NUP214: variants seen among roughly 807,000 people sequenced by gnomAD.
NUP214 encodes the protein nucleoporin 214, also known as nuclear pore complex protein Nup214.
Under a neutral mutation model 196.2 loss-of-function variants are expected in NUP214, and 79 were observed. The ratio of observed to expected loss-of-function variants is 0.40; its 90% confidence interval spans 0.34 to 0.49. The LOEUF (loss-of-function observed/expected upper bound fraction) is 0.49, where lower values mean the gene tolerates loss of function less well. Ranked by LOEUF, NUP214 falls within the 20% of genes least tolerant of loss-of-function variation. NUP214 has a pLI of 0.58. For synonymous variants in NUP214, 1,020 were observed against 990.5 expected, an observed-to-expected ratio of 1.03 and a Z score of -0.56; for missense variants, 2,468 against 2,539.0, an observed-to-expected ratio of 0.97 and a Z score of 0.60.
intron 3 of NUP214, 72 bp downstream of exon 3, chr9:131,128,555 G>C (rs912414584): frequency 7.4e-7 from 1 of 1,359,824 alleles, no homozygotes; most frequent in African/African-American, 1.5e-5. Context: ...ATTACAACTT[G>C]GAAGCTTCAT....
At chr9:131,178,499 A>C (rs1833178042) in intron 24 of NUP214, 89 bp downstream of exon 24, 1 of 937,664 alleles carries the variant, frequency 1.1e-6, no homozygotes, top group African/African-American at 1.6e-5. Context: ...CCACTGTCAC[A>C]GTCTGGTTTT....
At chr9:131,212,136 C>T (rs1023168594) in intron 30 of NUP214, among the ~76,000 whole-genome samples, 5 of 152,284 alleles carry the variant, frequency 3.3e-5, no homozygotes, top group Admixed American at 6.5e-5. Context: ...GAAACAAGCC[C>T]CAGTCTCCTG....
chr9:131,209,349 C>G (rs1489720104), intron 30 of NUP214, among the ~76,000 whole-genome samples: 1 of 152,184 alleles, frequency 6.6e-6, no homozygotes, highest in Non-Finnish European at 1.5e-5. Flanking sequence ...TCACTGCACT[C>G]TGGCCTGGGT....
intron 32 of NUP214, among the ~76,000 whole-genome samples, chr9:131,223,951 G>T (rs1248036172): frequency 6.7e-6 from 1 of 150,230 alleles, no homozygotes; most frequent in East Asian, 2.0e-4. Context: ...AGCCAGGATG[G>T]TCTCAATCTC....
At chr9:131,214,946 G>A (rs1834349202) in intron 30 of NUP214, among the ~76,000 whole-genome samples, 2 of 152,196 alleles carry the variant, frequency 1.3e-5, no homozygotes, top group Non-Finnish European at 2.9e-5. Context: ...TGCGGGCAGT[G>A]TAGCAGATAA....
At chr9:131,181,244 T>C (rs7037009) in intron 24 of NUP214, among the ~76,000 whole-genome samples, 151,453 of 152,262 alleles carry the variant, frequency 0.99, 75,324 homozygotes, top group Non-Finnish European at 1. Context: ...GAAGAGCGAG[T>C]CAGGGGGGAC....
intron 11 of NUP214, among the ~76,000 whole-genome samples, chr9:131,140,925 G>T (rs148792353): frequency 6.6e-6 from 1 of 151,978 alleles, no homozygotes; most frequent in Admixed American, 6.6e-5. Flanking sequence ...ACTTTACTTC[G>T]GAGATGAAGG....
In NUP214 at chr9:131,198,883, C is replaced by G. The variant is rs1478649537; in HGVS notation, c.5389C>G (p.Leu1797Val). ...GQSSPNTGGG[L>V]FGQSNAPAFG... is the part of the protein sequence containing the mutation. ...GTCTTCTCCCAACACAGGAGGGGGG[C>G]TGTTTGGCCAAAGCAACGCTCCTGC... The change falls in exon 29 of 36, where the codon CTG becomes GTG. Residue 1797 changes from leucine (L) to valine (V), a missense_variant. By Grantham distance (32) the Leu-to-Val change is conservative. Around this residue, in one of 5 missense-constraint regions of NUP214, gnomAD observed 1,801 missense variants for 1,779.4 expected, o/e 1.01. Coordinates refer to ENST00000359428, the MANE Select transcript of NUP214 (RefSeq NM_005085.4). The G allele has an allele frequency of 6.2e-7, 1 of 1,614,158 alleles. No individual in the cohort carries two copies. The highest frequency in any genetic ancestry group is 1.3e-5 in the African/African-American group (1 of 75,028).
chr9:131,197,787 T>C lies in NUP214; in HGVS notation c.4293T>C (p.Ser1431=). Residue 1431 remains serine (S), a synonymous_variant, in exon 29 of 36, where the codon TCT becomes TCC. Coordinates refer to ENST00000359428, the MANE Select transcript of NUP214 (RefSeq NM_005085.4). ...SSGVISFGGT[S]LSAGKTSFSF... ...GGGTCATCAGTTTTGGTGGGACATC[T>C]CTAAGTGCTGGCAAGACTAGTTTTT... 6.2e-7 allele frequency: 1 copy of C among 1,614,158 alleles called. No individual in the cohort carries two copies.
At chr9:131,196,033 C>G (rs1480991122) in intron 28 of NUP214, among the ~76,000 whole-genome samples, 4 of 34,778 alleles carry the variant, frequency 1.2e-4, no homozygotes, top group African/African-American at 3.1e-4. Context: ...TGTCCCCCCC[C>G]CCCCCCGCGC....
chr9:131,230,828 C>A, intron 34 of NUP214, 59 bp downstream of exon 34: 1 of 1,557,536 alleles, frequency 6.4e-7, no homozygotes, highest in East Asian at 2.3e-5. Context: ...CCTTCTCCCC[C>A]AAAGAAATGA....
At chr9:131,225,891 T>G (rs1028039372) in intron 32 of NUP214, among the ~76,000 whole-genome samples, 1 of 152,084 alleles carries the variant, frequency 6.6e-6, no homozygotes, top group Non-Finnish European at 1.5e-5. Context: ...CTGCTGGAGG[T>G]CATCCGGGGA....
In NUP214 at chr9:131,144,469, T is replaced by C; in HGVS notation, c.1484T>C (p.Val495Ala). 1.2e-6 allele frequency: 2 copies of C among 1,614,164 alleles called. No homozygotes were observed. The highest frequency in any genetic ancestry group is 1.7e-6 in the Non-Finnish European group (2 of 1,180,022). The part of the protein sequence containing the change: ...GSSSLKSSAT[V>A]TGEPPSYSSG... ...TCATCTTTGAAGTCATCTGCTACGG[T>C]CACTGGGGAGCCCCCTTCATATTCC... Residue 495 changes from valine (V) to alanine (A), a missense_variant, in exon 12 of 36, where the codon GTC (valine) becomes GCC (alanine). By Grantham distance (64) the Val-to-Ala change is moderately conservative. This residue lies in a region of NUP214 where 1,801 missense variants were observed against 1,779.4 expected (regional missense o/e 1.01). Coordinates refer to ENST00000359428, the MANE Select transcript of NUP214 (RefSeq NM_005085.4).
At chr9:131,205,355 G>C (rs780225047) in intron 30 of NUP214, among the ~76,000 whole-genome samples, 4 of 152,212 alleles carry the variant, frequency 2.6e-5, no homozygotes, top group Non-Finnish European at 5.9e-5. Flanking sequence ...GTATTGGTGA[G>C]GAAGAAGAGC....
At chr9:131,168,741 T>C (rs774936781) in intron 21 of NUP214, among the ~76,000 whole-genome samples, 5 of 152,222 alleles carry the variant, frequency 3.3e-5, no homozygotes, top group Non-Finnish European at 7.3e-5. Context: ...CTATCAATAA[T>C]TGATTTTTGT....
In NUP214 at chr9:131,144,558, C is replaced by T. The variant is rs1277020274; in HGVS notation, c.1573C>T (p.Pro525Ser). ...CCCATCAACCTTCTCTTTTGTTCCC[C>T]CTTCTAAAGCCTCCCTAGCCCCCAC... is the stretch of plus-strand genomic sequence containing the variant. Reference protein sequence around the residue: ...PGPSTFSFVPPSKASLAPTPA... With the variant: ...PGPSTFSFVPSSKASLAPTPA... The change falls in exon 12 of 36, where the codon CCT becomes TCT. Residue 525 changes from proline to serine, a missense_variant. Around this residue, in one of 5 missense-constraint regions of NUP214, gnomAD observed 1,801 missense variants for 1,779.4 expected, o/e 1.01. Coordinates refer to ENST00000359428, the MANE Select transcript of NUP214 (RefSeq NM_005085.4). 1.2e-5 allele frequency: 20 copies of T among 1,614,012 alleles called. No homozygotes were observed. The highest frequency in any genetic ancestry group is 1.6e-5 in the Non-Finnish European group (19 of 1,180,004).
chr9:131,187,219 G>A (rs1489010966), intron 24 of NUP214, 70 bp from the exon 25 acceptor site: 2 of 1,343,968 alleles, frequency 1.5e-6, no homozygotes, highest in East Asian at 4.6e-5. Flanking sequence ...ACAGAAGGTT[G>A]GCTTGAGAAT....
chr9:131,130,058 A>G (rs1374230404), intron 4 of NUP214, among the ~76,000 whole-genome samples: 1 of 150,486 alleles, frequency 6.6e-6, no homozygotes, highest in Non-Finnish European at 1.5e-5. Context: ...TAACGGTGGT[A>G]CTCTGAAAGT....
intron 18 of NUP214, among the ~76,000 whole-genome samples, chr9:131,161,091 C>G (rs984029722): frequency 3.5e-4 from 54 of 152,150 alleles, no homozygotes; most frequent in African/African-American, 1.3e-3. Context: ...TAAAGAGAAG[C>G]CAAGCTTTTT....
Sources: gnomAD v4.1 joint callset for allele counts (sites outside exome capture counted in the v4.1 genomes callset) on GRCh38, gnomAD v4.1.1 for gene constraint, gnomAD v4.1.1 regional missense constraint, MANE v1.5 for transcripts, NCBI Gene and HGNC (gene_info 2026-07-23, HGNC 2026-07-21) for gene names.